The following CTNNA2 variants were observed in gnomAD, a reference collection of about 807,000 sequenced individuals.
The protein encoded by CTNNA2 is catenin alpha-2.
A neutral mutation model predicts 101.0 loss-of-function variants in CTNNA2; 42 were observed. The observed-to-expected ratio is 0.42, with a 90% CI of 0.32 to 0.54. CTNNA2 has a LOEUF of 0.54. CTNNA2 is among the 20% of genes least tolerant of loss of function. The probability of loss-of-function intolerance (pLI) is 0.14; values close to 1 mark genes in which losing one functional copy is unlikely to be tolerated. For missense variants in CTNNA2, 871 were observed against 1,223.1 expected, an observed-to-expected ratio of 0.71 and a Z score of 4.29; for synonymous variants, 450 against 456.4, an observed-to-expected ratio of 0.99 and a Z score of 0.18.
chr2:80,105,264 C>T (rs532613487), intron 7 of CTNNA2, among the ~76,000 whole-genome samples: 2 of 152,260 alleles, frequency 1.3e-5, no homozygotes, highest in East Asian at 3.9e-4. Context: ...CCATTTCATG[C>T]CTCTCTGTGA....
chr2:79,313,045 C>A (rs922221360), intron 3 of CTNNA2, among the ~76,000 whole-genome samples: 2 of 152,120 alleles, frequency 1.3e-5, no homozygotes, highest in Non-Finnish European at 2.9e-5. Context: ...ACTAAAGGAC[C>A]AAAATGCTGA....
At chr2:80,182,480 C>T (rs1705845528) in intron 7 of CTNNA2, among the ~76,000 whole-genome samples, 1 of 152,164 alleles carries the variant, frequency 6.6e-6, no homozygotes, top group African/African-American at 2.4e-5. Flanking sequence ...CAATACTTTG[C>T]CTCCTTCAAT....
chr2:80,309,975 C>T (rs965640120), intron 7 of CTNNA2, among the ~76,000 whole-genome samples: 1 of 151,930 alleles, frequency 6.6e-6, no homozygotes. Flanking sequence ...GACCACAAAC[C>T]TTGGAGCTTA....
intron 4 of CTNNA2, among the ~76,000 whole-genome samples, chr2:79,493,173 C>T (rs1430637): frequency 6.7e-6 from 1 of 149,120 alleles, no homozygotes; most frequent in Non-Finnish European, 1.5e-5. Flanking sequence ...AAATTCTAAC[C>T]AAGACAAAGA....
intron 2 of CTNNA2, among the ~76,000 whole-genome samples, chr2:79,211,490 T>G (rs925862381): frequency 6.6e-6 from 1 of 151,924 alleles, no homozygotes; most frequent in Admixed American, 6.6e-5. Context: ...AAGATTTGGG[T>G]AGGTAAAGGA....
intron 9 of CTNNA2, among the ~76,000 whole-genome samples, chr2:80,517,893 G>C (rs752508910): frequency 3.3e-5 from 5 of 152,136 alleles, no homozygotes; most frequent in Non-Finnish European, 7.3e-5. Context: ...AGAGTGTATT[G>C]AAAACATTGG....
chr2:79,390,889 A>G (rs1048954926), intron 4 of CTNNA2, among the ~76,000 whole-genome samples: 3 of 152,186 alleles, frequency 2.0e-5, no homozygotes, highest in East Asian at 1.9e-4. Flanking sequence ...TGCTCAACGA[A>G]TAAATGAAAG....
intron 7 of CTNNA2, among the ~76,000 whole-genome samples, chr2:80,375,832 G>GATC (rs1205236034): frequency 6.6e-6 from 1 of 150,758 alleles, no homozygotes; most frequent in African/African-American, 2.4e-5. Context: ...CAAAGTGCTG[G>GATC]GATTACAGGC....
At chr2:79,746,293 T>C (rs1671641021) in intron 3 of CTNNA2, among the ~76,000 whole-genome samples, 1 of 152,338 alleles carries the variant, frequency 6.6e-6, no homozygotes, top group East Asian at 1.9e-4. Context: ...GTTCTTTATA[T>C]AGTCTGGATA....
At chr2:79,905,335 A>G (rs548816508) in intron 6 of CTNNA2, among the ~76,000 whole-genome samples, 2 of 152,324 alleles carry the variant, frequency 1.3e-5, no homozygotes, top group South Asian at 4.1e-4. Flanking sequence ...TAAAATGACA[A>G]TGTAAGATGG....
intron 3 of CTNNA2, among the ~76,000 whole-genome samples, chr2:79,747,036 AC>A (rs1671697822): frequency 6.6e-6 from 1 of 152,170 alleles, no homozygotes; most frequent in African/African-American, 2.4e-5. Flanking sequence ...GATATTTAGT[AC>A]CTGGAAACAC....
chr2:79,776,405 G>T (rs1319878275), intron 3 of CTNNA2, among the ~76,000 whole-genome samples: 1 of 152,074 alleles, frequency 6.6e-6, no homozygotes, highest in African/African-American at 2.4e-5. Flanking sequence ...ATAACTAAGG[G>T]CTTTCTAAGC....
intron 7 of CTNNA2, among the ~76,000 whole-genome samples, chr2:80,346,759 A>G (rs947354639): frequency 1.3e-5 from 2 of 152,228 alleles, no homozygotes; most frequent in Non-Finnish European, 2.9e-5. Context: ...CTACAAGATC[A>G]TGTTTGAAAG....
At position 80,338,338 on chromosome 2, in the gene CTNNA2, G is replaced by A. The variant is rs1376166783; in HGVS notation, c.1057-54873G>A. 2.0e-5 allele frequency among the ~76,000 whole-genome samples: 3 copies of A among 150,342 alleles called. No homozygotes were observed. In the East Asian group the frequency reaches 5.9e-4, roughly 29 times the overall value. On this transcript the variant is annotated intron_variant, in intron 7 of 18. Coordinates refer to ENST00000402739, the MANE Select transcript of CTNNA2 (RefSeq NM_001282597.3). ...TTTTTCACTTTTAAAGCAGATAATGGGAGGGGAGAAAGGATTAAAAGAGGG... is the reference window on the plus strand; with the variant it reads ...TTTTTCACTTTTAAAGCAGATAATGAGAGGGGAGAAAGGATTAAAAGAGGG...
At position 80,136,045 on chromosome 2, in the gene CTNNA2, C is replaced by G. The variant is rs75057753; in HGVS notation, c.1056+226248C>G. ...TAGTGTGAGATACTAAGTAGGTAAACTTAATCTCCTGGGCTTATGTATCCT... is the reference window on the plus strand; with the variant it reads ...TAGTGTGAGATACTAAGTAGGTAAAGTTAATCTCCTGGGCTTATGTATCCT... On this transcript the variant is annotated intron_variant, in intron 7 of 18. Coordinates refer to ENST00000402739, the MANE Select transcript of CTNNA2 (RefSeq NM_001282597.3). Among the ~76,000 whole-genome samples, 650 of 152,266 alleles carry G rather than the reference C, an allele frequency of 4.3e-3. 5 individuals carry two copies. Among genetic ancestry groups the G allele is most frequent in the African/African-American group, 0.015 (619 of 41,558 alleles).
intron 7 of CTNNA2, among the ~76,000 whole-genome samples, chr2:80,148,574 GC>G (rs1424228961): frequency 6.6e-6 from 1 of 152,180 alleles, no homozygotes; most frequent in Non-Finnish European, 1.5e-5. Context: ...TACCACCAAG[GC>G]CACCTGTCCC....
intron 7 of CTNNA2, among the ~76,000 whole-genome samples, chr2:80,300,511 A>G (rs941495851): frequency 6.6e-6 from 1 of 152,084 alleles, no homozygotes; most frequent in East Asian, 1.9e-4. Context: ...GCATTTCAAA[A>G]AGCTGATTTT....
intron 2 of CTNNA2, among the ~76,000 whole-genome samples, chr2:79,273,252 A>C (rs1352251347): frequency 6.6e-6 from 1 of 152,118 alleles, no homozygotes; most frequent in Non-Finnish European, 1.5e-5. Flanking sequence ...GATAGGCATT[A>C]TTATCATCTC....
intron 9 of CTNNA2, among the ~76,000 whole-genome samples, chr2:80,540,816 T>C (rs1400064318): frequency 6.6e-6 from 1 of 152,122 alleles, no homozygotes; most frequent in Non-Finnish European, 1.5e-5. Flanking sequence ...TGCTTCAGCC[T>C]CCTGAGTATT....
Sources: gnomAD v4.1 joint callset for allele counts (sites outside exome capture counted in the v4.1 genomes callset) on GRCh38, gnomAD v4.1.1 for gene constraint, MANE v1.5 for transcripts, NCBI Gene and HGNC (gene_info 2026-07-23, HGNC 2026-07-21) for gene names.